Variants in FHIP1A observed in about 807,000 individuals in gnomAD.
The protein encoded by FHIP1A is FHF complex subunit HOOK interacting protein 1A, also known as FHF complex subunit HOOK-interacting protein 1A.
A neutral mutation model predicts 88.6 loss-of-function variants in FHIP1A; 61 were observed. The ratio of observed to expected loss-of-function variants is 0.69; its 90% CI spans 0.56 to 0.85. The LOEUF (loss-of-function observed/expected upper bound fraction) is 0.85, where lower values mean the gene tolerates loss of function less well. Among genes scored for constraint, FHIP1A ranks in the 40% least tolerant of loss-of-function variants. The pLI is 0.00. For synonymous variants in FHIP1A, 478 were observed against 496.0 expected, an observed-to-expected ratio of 0.96 and a Z score of 0.48; for missense variants, 1,154 against 1,273.5, an observed-to-expected ratio of 0.91 and a Z score of 1.43.
chr4:151,617,078 C>T (rs564919334), intron 7 of FHIP1A, among the ~76,000 whole-genome samples: 2 of 152,048 alleles, frequency 1.3e-5, no homozygotes, highest in Non-Finnish European at 2.9e-5. Context: ...AGAAGCCTGG[C>T]TCCCAGGAGA....
chr4:151,539,667 C>T (rs1732203836), intron 3 of FHIP1A, among the ~76,000 whole-genome samples: 1 of 151,660 alleles, frequency 6.6e-6, no homozygotes, highest in Non-Finnish European at 1.5e-5. Flanking sequence ...AGTACATTGA[C>T]TCTCATGCCC....
intron 1 of FHIP1A, among the ~76,000 whole-genome samples, chr4:151,439,443 C>T (rs963775242): frequency 2.6e-5 from 4 of 151,758 alleles, no homozygotes; most frequent in Non-Finnish European, 5.9e-5. Context: ...CATTACCTTA[C>T]CCCTAGAAGG....
intron 2 of FHIP1A, among the ~76,000 whole-genome samples, chr4:151,475,847 A>C (rs1729678620): frequency 1.3e-5 from 2 of 151,358 alleles, no homozygotes; most frequent in Non-Finnish European, 2.9e-5. Flanking sequence ...CATTTGATAA[A>C]ATTCAATCTC....
intron 7 of FHIP1A, among the ~76,000 whole-genome samples, chr4:151,591,529 G>C (rs529724040): frequency 1.3e-5 from 2 of 151,956 alleles, no homozygotes; most frequent in East Asian, 3.9e-4. Context: ...ATGTATACAC[G>C]TGCCATGGTG....
chr4:151,635,265 C>G (rs1400696769), intron 8 of FHIP1A, among the ~76,000 whole-genome samples: 1 of 151,754 alleles, frequency 6.6e-6, no homozygotes, highest in Non-Finnish European at 1.5e-5. Flanking sequence ...ACCTTTGTGT[C>G]TTGTTTATGG....
chr4:151,468,050 C>T (rs1476670166), intron 2 of FHIP1A, among the ~76,000 whole-genome samples: 6 of 150,670 alleles, frequency 4.0e-5, no homozygotes, highest in Non-Finnish European at 5.9e-5. Flanking sequence ...TTGGGGAGGC[C>T]GAGGAGGGCG....
At chr4:151,571,832 A>G (rs981403617) in intron 4 of FHIP1A, among the ~76,000 whole-genome samples, 1 of 152,254 alleles carries the variant, frequency 6.6e-6, no homozygotes, top group Non-Finnish European at 1.5e-5. Context: ...TAGCCTTGAC[A>G]GTAGAAGGTA....
chr4:151,511,670 G>A (rs1401453373), intron 3 of FHIP1A, among the ~76,000 whole-genome samples: 1 of 152,368 alleles, frequency 6.6e-6, no homozygotes, highest in East Asian at 1.9e-4. Context: ...CACCCACAGA[G>A]TCTCGCTGAT....
At chr4:151,420,720 G>T (rs1733097987) in intron 1 of FHIP1A, among the ~76,000 whole-genome samples, 1 of 152,202 alleles carries the variant, frequency 6.6e-6, no homozygotes, top group South Asian at 2.1e-4. Context: ...TCCCTCCACT[G>T]TTCCTAGTGT....
At chr4:151,530,703 T>C (rs1159248103) in intron 3 of FHIP1A, among the ~76,000 whole-genome samples, 4 of 152,206 alleles carry the variant, frequency 2.6e-5, no homozygotes, top group Admixed American at 2.0e-4. Context: ...ATGGCCTCTT[T>C]GGTGGCGTTG....
chr4:151,481,989 T>C (rs1729913206), intron 2 of FHIP1A, among the ~76,000 whole-genome samples: 1 of 152,104 alleles, frequency 6.6e-6, no homozygotes, highest in South Asian at 2.1e-4. Flanking sequence ...GGCCTGATGA[T>C]AGGAGATGTG....
intron 7 of FHIP1A, among the ~76,000 whole-genome samples, chr4:151,590,494 T>C (rs1452840761): frequency 6.6e-6 from 1 of 152,362 alleles, no homozygotes; most frequent in Non-Finnish European, 1.5e-5. Flanking sequence ...TATCACTTAG[T>C]ACAGGTAAAG....
intron 3 of FHIP1A, among the ~76,000 whole-genome samples, chr4:151,499,317 T>G (rs1730567680): frequency 6.6e-6 from 1 of 152,232 alleles, no homozygotes; most frequent in African/African-American, 2.4e-5. Context: ...TGAAATTAAC[T>G]AAAGCTTTCT....
At chr4:151,427,663 A>C (rs999946761) in intron 1 of FHIP1A, among the ~76,000 whole-genome samples, 1 of 152,154 alleles carries the variant, frequency 6.6e-6, no homozygotes, top group Non-Finnish European at 1.5e-5. Flanking sequence ...AATTCTGAGA[A>C]GGACCAGGAA....
intron 3 of FHIP1A, among the ~76,000 whole-genome samples, chr4:151,538,299 T>A (rs1732145388): frequency 6.6e-6 from 1 of 152,236 alleles, no homozygotes; most frequent in Non-Finnish European, 1.5e-5. Flanking sequence ...AGTACCCATT[T>A]TATAGCGTTG....
chr4:151,507,514 A>T (rs977869144), intron 3 of FHIP1A, among the ~76,000 whole-genome samples: 1 of 152,138 alleles, frequency 6.6e-6, no homozygotes, highest in East Asian at 1.9e-4. Flanking sequence ...TCCATTTAAT[A>T]TGTGTATTTA....
At chr4:151,557,920 G>C (rs565394081) in intron 3 of FHIP1A, among the ~76,000 whole-genome samples, 1 of 152,172 alleles carries the variant, frequency 6.6e-6, no homozygotes. Flanking sequence ...AGACTTACAC[G>C]TGTATGTGCG....
intron 1 of FHIP1A, among the ~76,000 whole-genome samples, chr4:151,423,737 C>T (rs1405587996): frequency 2.0e-5 from 3 of 152,100 alleles, no homozygotes; most frequent in African/African-American, 7.2e-5. Context: ...GGGGGAGGTT[C>T]AAAAGGTGTG....
At chr4:151,479,620 A>G (rs1449877814) in intron 2 of FHIP1A, among the ~76,000 whole-genome samples, 4 of 152,082 alleles carry the variant, frequency 2.6e-5, no homozygotes, top group Non-Finnish European at 4.4e-5. Flanking sequence ...GTTTGATTAT[A>G]TTACAGATCA....
Sources: gnomAD v4.1 joint callset for allele counts (sites outside exome capture counted in the v4.1 genomes callset) on GRCh38, gnomAD v4.1.1 for gene constraint, MANE v1.5 for transcripts, NCBI Gene and HGNC (gene_info 2026-07-23, HGNC 2026-07-21) for gene names.